ATRX: variants seen among roughly 807,000 people sequenced by gnomAD.
The protein encoded by ATRX is chromatin remodeler ATRX.
In ATRX, 12 loss-of-function variants were observed where a neutral mutation model predicts 172.6. The observed-to-expected ratio is 0.07, with a 90% CI of 0.04 to 0.11. ATRX has a LOEUF of 0.11. Ranked by LOEUF, ATRX falls within the 10% of genes least tolerant of loss-of-function variation. The pLI is 1.00. For synonymous variants in ATRX, 674 were observed against 594.7 expected (o/e 1.13, Z -1.94); for missense variants, 1,368 against 1,767.4 (o/e 0.77, Z 4.05).
chrX:77,655,197 G>A (rs2069482760), intron 13 of ATRX, among the ~76,000 whole-genome samples: 1 of 110,638 alleles, frequency 9.0e-6, no homozygotes, highest in Non-Finnish European at 1.9e-5. Context: ...AAAAGGTTTT[G>A]GAGATTGGTT....
At chrX:77,511,666 T>C (rs998170060) in intron 34 of ATRX, among the ~76,000 whole-genome samples, 6 of 111,733 alleles carry the variant, frequency 5.4e-5, no homozygotes, top group South Asian at 3.7e-4. Context: ...AAAAATGCAA[T>C]TGACATACTG....
chrX:77,709,410 T>A (rs1428325094), intron 2 of ATRX, among the ~76,000 whole-genome samples: 1 of 110,681 alleles, frequency 9.0e-6, no homozygotes, highest in Non-Finnish European at 1.9e-5. Flanking sequence ...ACAACCACTC[T>A]GGATAACAGT....
rs1047752739 is a variant in ATRX at position 77,591,065 on chromosome X, T to C, written c.6111-1125A>G. ...TCTGCAAATTCCTCATTCTCTGCCC[T>C]AGTAATTTTCTAACTCCTTTTTAGC... On this transcript the variant is annotated intron_variant, in intron 26 of 34. Coordinates refer to ENST00000373344, the MANE Select transcript of ATRX (RefSeq NM_000489.6). Among the ~76,000 whole-genome samples, 4 of 112,619 alleles carry C rather than the reference T, an allele frequency of 3.6e-5. No individual in the cohort carries two copies. In the East Asian group the frequency reaches 1.1e-3, roughly 31 times the overall value.
At chrX:77,744,692 TA>T (rs1367358449) in intron 1 of ATRX, among the ~76,000 whole-genome samples, 1 of 109,548 alleles carries the variant, frequency 9.1e-6, no homozygotes, top group African/African-American at 3.3e-5. Context: ...GAGAAACCCT[TA>T]AAAAAAAATT....
Position 77,710,317 on chromosome X carries a change from AC to A in ATRX, c.133+6813del, listed in dbSNP as rs1236909893. On this transcript the variant is annotated intron_variant, in intron 2 of 34. Coordinates refer to ENST00000373344, the MANE Select transcript of ATRX (RefSeq NM_000489.6). ...CCATTTCAATAAAAAAAAAAAAAAA[AC>A]AATACAAATACAACTGTGGTACAGG... Among the ~76,000 whole-genome samples, 102 of 109,628 alleles carry A rather than the reference AC, an allele frequency of 9.3e-4. 1 individual carries two copies. The highest frequency in any genetic ancestry group is 2.6e-3 in the African/African-American group (79 of 30,116).
At chrX:77,633,825 T>C in intron 17 of ATRX, 113 bp from the exon 18 acceptor site, 1 of 839,171 alleles carries the variant, frequency 1.2e-6, no homozygotes, top group Non-Finnish European at 1.7e-6. Flanking sequence ...ACGGCCAGAA[T>C]TTCCAAACCA....
At chrX:77,757,175 T>C (rs1557190616) in intron 1 of ATRX, among the ~76,000 whole-genome samples, 1 of 111,744 alleles carries the variant, frequency 8.9e-6, no homozygotes, top group Non-Finnish European at 1.9e-5. Flanking sequence ...AACTGTTAAA[T>C]GCATCCACTC....
At chrX:77,516,094 G>C (rs1340061983) in intron 34 of ATRX, among the ~76,000 whole-genome samples, 1 of 111,602 alleles carries the variant, frequency 9.0e-6, no homozygotes, top group Admixed American at 9.5e-5. Context: ...GCTGAGAGGA[G>C]GGAGATGATC....
At chrX:77,642,105 G>T (rs2068685807) in intron 15 of ATRX, among the ~76,000 whole-genome samples, 1 of 111,103 alleles carries the variant, frequency 9.0e-6, no homozygotes, top group African/African-American at 3.3e-5. Flanking sequence ...TGAGGCAAGA[G>T]TATCTCTTGA....
At chrX:77,726,183 T>C (rs2074025752) in intron 1 of ATRX, among the ~76,000 whole-genome samples, 4 of 111,035 alleles carry the variant, frequency 3.6e-5, no homozygotes, top group Non-Finnish European at 7.5e-5. Context: ...TGTATGTTTA[T>C]TGCAGCACTA....
At chrX:77,710,974 T>C (rs1557160661) in intron 2 of ATRX, among the ~76,000 whole-genome samples, 5 of 108,121 alleles carry the variant, frequency 4.6e-5, no homozygotes, top group Admixed American at 3.0e-4. Context: ...AAAGTAAAAC[T>C]GACAAAATCT....
chrX:77,654,534 T>A (rs2069443903), intron 13 of ATRX, among the ~76,000 whole-genome samples: 1 of 111,598 alleles, frequency 9.0e-6, no homozygotes, highest in Admixed American at 9.5e-5. Flanking sequence ...ATTACAAATT[T>A]GAATACTGTT....
chrX:77,567,594 A>C (rs2065246051), intron 28 of ATRX, among the ~76,000 whole-genome samples: 1 of 110,930 alleles, frequency 9.0e-6, no homozygotes, highest in Non-Finnish European at 1.9e-5. Flanking sequence ...CTGAAGGAGA[A>C]ACAGAAAAAT....
intron 7 of ATRX, among the ~76,000 whole-genome samples, chrX:77,687,046 C>T (rs1462324016): frequency 9.6e-6 from 1 of 104,611 alleles, no homozygotes; most frequent in Non-Finnish European, 1.9e-5. Flanking sequence ...CCCAGCTACT[C>T]GAGAGGCTGA....
intron 10 of ATRX, among the ~76,000 whole-genome samples, chrX:77,671,238 CACGAGA>C: frequency 1.1e-5 from 1 of 88,719 alleles, no homozygotes; most frequent in Non-Finnish European, 2.1e-5. Context: ...TGGTGGAATT[CACGAGA>C]TAATAATGAA....
intron 22 of ATRX, among the ~76,000 whole-genome samples, chrX:77,603,137 G>A (rs1557088112): frequency 9.0e-6 from 1 of 110,589 alleles, no homozygotes; most frequent in Non-Finnish European, 1.9e-5. Flanking sequence ...ATAATCTACA[G>A]GAAATAAATT....
At chrX:77,665,096 T>C (rs1273463066) in intron 10 of ATRX, among the ~76,000 whole-genome samples, 1 of 112,554 alleles carries the variant, frequency 8.9e-6, no homozygotes, top group Non-Finnish European at 1.9e-5. Flanking sequence ...CTATTTGCTT[T>C]GCTGACACCA....
At chrX:77,770,715 T>C (rs1403553007) in intron 1 of ATRX, among the ~76,000 whole-genome samples, 3 of 112,388 alleles carry the variant, frequency 2.7e-5, no homozygotes, top group African/African-American at 6.5e-5. Flanking sequence ...ATTAGGGTAA[T>C]GAAAATTAGA....
intron 1 of ATRX, among the ~76,000 whole-genome samples, chrX:77,723,551 T>C (rs1223601269): frequency 9.0e-6 from 1 of 111,413 alleles, no homozygotes; most frequent in Non-Finnish European, 1.9e-5. Flanking sequence ...AGAATAAAGG[T>C]ACCAAGTGGG....
Sources: allele counts gnomAD v4.1 joint callset (sites outside exome capture counted in the v4.1 genomes callset), GRCh38; gene constraint gnomAD v4.1.1; transcripts MANE v1.5; gene names NCBI Gene and HGNC (gene_info 2026-07-23, HGNC 2026-07-21).